MSRA: variants seen among roughly 807,000 people sequenced by gnomAD.
MSRA encodes the protein methionine sulfoxide reductase A, also known as mitochondrial peptide methionine sulfoxide reductase.
Under a neutral mutation model 31.3 loss-of-function variants are expected in MSRA, and 54 were observed. The ratio of observed to expected loss-of-function variants is 1.73; its 90% confidence interval spans 1.39 to 2.17. The LOEUF is 2.17. Ranked by LOEUF, MSRA falls within the 30% of genes most tolerant of loss-of-function variation. MSRA has a pLI of 0.00. For missense variants in MSRA, 507 were observed against 300.9 expected (o/e 1.69, Z -5.07); for synonymous variants, 169 against 116.5 (o/e 1.45, Z -2.90).
chr8:10,182,404 C>T (rs1806624388), intron 1 of MSRA, among the ~76,000 whole-genome samples: 1 of 152,146 alleles, frequency 6.6e-6, no homozygotes, highest in South Asian at 2.1e-4. Context: ...GGTCAGGAAT[C>T]CGGACACAGC....
intron 3 of MSRA, among the ~76,000 whole-genome samples, chr8:10,294,370 G>A (rs1332704086): frequency 6.6e-6 from 1 of 152,194 alleles, no homozygotes; most frequent in Non-Finnish European, 1.5e-5. Flanking sequence ...GCCTGTGCTG[G>A]GCCAGACTGC....
intron 1 of MSRA, among the ~76,000 whole-genome samples, chr8:10,068,081 G>A (rs1057392053): frequency 2.6e-5 from 4 of 151,820 alleles, no homozygotes; most frequent in South Asian, 2.1e-4. Context: ...ATGGGGTTTC[G>A]CTGTGTTTGC....
At chr8:10,318,469 A>G (rs975791313) in intron 4 of MSRA, among the ~76,000 whole-genome samples, 1 of 152,174 alleles carries the variant, frequency 6.6e-6, no homozygotes, top group Non-Finnish European at 1.5e-5. Context: ...GCTACAGTTG[A>G]CACACACGAA....
At chr8:10,376,482 C>T (rs1255818892) in intron 5 of MSRA, among the ~76,000 whole-genome samples, 2 of 152,208 alleles carry the variant, frequency 1.3e-5, no homozygotes, top group Non-Finnish European at 2.9e-5. Context: ...CACATTGCTG[C>T]TCTGCCTTGC....
intron 3 of MSRA, among the ~76,000 whole-genome samples, chr8:10,277,513 C>G (rs916465527): frequency 6.6e-6 from 1 of 152,292 alleles, no homozygotes; most frequent in East Asian, 1.9e-4. Context: ...TTTCCTACCC[C>G]CATTTACAAA....
At chr8:10,132,848 G>A (rs2046400) in intron 1 of MSRA, among the ~76,000 whole-genome samples, 135,269 of 152,286 alleles carry the variant, frequency 0.89, 60,238 homozygotes, top group East Asian at 0.96. Flanking sequence ...GTACACAAAG[G>A]TATGTCTTTT....
At position 10,174,875 on chromosome 8, in the gene MSRA, C is replaced by T. The variant is rs771892875; in HGVS notation, c.143-32958C>T. Among the ~76,000 whole-genome samples the T allele has an allele frequency of 6.6e-4, 101 of 152,250 alleles. 1 individual carries two copies. Among genetic ancestry groups the T allele is most frequent in the Middle Eastern group, 3.4e-3 (1 of 294 alleles). ...TCTTCAAATGGCATTTTATTCTGTC[C>T]TCTGGTGTCTGTCAATAGATCTCAT... On this transcript the variant is annotated intron_variant, in intron 1 of 5. Coordinates refer to ENST00000317173, the MANE Select transcript of MSRA (RefSeq NM_012331.5).
At chr8:10,316,266 C>T (rs1434818209) in intron 4 of MSRA, among the ~76,000 whole-genome samples, 1 of 150,778 alleles carries the variant, frequency 6.6e-6, no homozygotes, top group Non-Finnish European at 1.5e-5. Flanking sequence ...ATTTACAAAT[C>T]GGAATAATAG....
chr8:10,196,348 A>G (rs1287387213), intron 1 of MSRA, among the ~76,000 whole-genome samples: 1 of 152,078 alleles, frequency 6.6e-6, no homozygotes, highest in Non-Finnish European at 1.5e-5. Context: ...GGGTGATAGG[A>G]TGAGCAAGTT....
At chr8:10,354,270 C>T (rs1278200244) in intron 5 of MSRA, among the ~76,000 whole-genome samples, 7 of 152,276 alleles carry the variant, frequency 4.6e-5, no homozygotes, top group South Asian at 2.1e-4. Context: ...AGTTGAATTA[C>T]AATGCATCTG....
chr8:10,057,053 C>G (rs1585056110), intron 1 of MSRA, among the ~76,000 whole-genome samples: 1 of 152,168 alleles, frequency 6.6e-6, no homozygotes, highest in Non-Finnish European at 1.5e-5. Context: ...CACACTGTGA[C>G]CAAGATTTCC....
At chr8:10,410,852 A>G (rs902713887) in intron 5 of MSRA, among the ~76,000 whole-genome samples, 1 of 152,228 alleles carries the variant, frequency 6.6e-6, no homozygotes, top group African/African-American at 2.4e-5. Flanking sequence ...AAATTGTATA[A>G]TTAGCTTATG....
intron 5 of MSRA, among the ~76,000 whole-genome samples, chr8:10,365,852 A>T (rs1028408884): frequency 6.6e-6 from 1 of 152,210 alleles, no homozygotes; most frequent in Non-Finnish European, 1.5e-5. Flanking sequence ...GGGAGGAACG[A>T]TGCTGTGAAC....
At chr8:10,303,588 A>T (rs890087166) in intron 4 of MSRA, among the ~76,000 whole-genome samples, 3 of 152,196 alleles carry the variant, frequency 2.0e-5, no homozygotes, top group Non-Finnish European at 4.4e-5. Context: ...CTGAATTCAG[A>T]GAACCACTCA....
At chr8:10,279,602 A>G (rs2952256) in intron 3 of MSRA, among the ~76,000 whole-genome samples, 6 of 151,910 alleles carry the variant, frequency 3.9e-5, no homozygotes, top group Non-Finnish European at 8.8e-5. Flanking sequence ...CCCCACCCCT[A>G]GCAAGGTTGA....
At chr8:10,401,445 A>G (rs756298492) in intron 5 of MSRA, among the ~76,000 whole-genome samples, 14 of 152,158 alleles carry the variant, frequency 9.2e-5, no homozygotes, top group Non-Finnish European at 2.1e-4. Flanking sequence ...AGAAATTGGA[A>G]CCCTTGTGCA....
intron 5 of MSRA, among the ~76,000 whole-genome samples, chr8:10,327,638 C>G (rs1264748980): frequency 2.0e-5 from 3 of 151,998 alleles, no homozygotes; most frequent in Non-Finnish European, 4.4e-5. Context: ...GTGTCACTAC[C>G]AAATAACCTA....
intron 3 of MSRA, among the ~76,000 whole-genome samples, chr8:10,272,863 CTT>C (rs933519677): frequency 2.0e-5 from 3 of 152,010 alleles, no homozygotes; most frequent in African/African-American, 7.3e-5. Flanking sequence ...GTAAATATCT[CTT>C]AAGTGAATGA....
At chr8:10,231,766 G>C (rs980568727) in intron 2 of MSRA, among the ~76,000 whole-genome samples, 2 of 152,092 alleles carry the variant, frequency 1.3e-5, no homozygotes, top group Admixed American at 1.3e-4. Context: ...AGCCGGGCGT[G>C]GTGGCGGGCG....
Sources: allele counts gnomAD v4.1 joint callset (sites outside exome capture counted in the v4.1 genomes callset), GRCh38; gene constraint gnomAD v4.1.1; transcripts MANE v1.5; gene names NCBI Gene and HGNC (gene_info 2026-07-23, HGNC 2026-07-21).